PPP1R12A: variants seen among roughly 807,000 people sequenced by gnomAD.
PPP1R12A encodes the protein protein phosphatase 1 regulatory subunit 12A.
A neutral mutation model predicts 139.6 loss-of-function variants in PPP1R12A; 19 were observed. The observed-to-expected ratio is 0.14, with a 90% CI of 0.09 to 0.20. PPP1R12A has a LOEUF of 0.20. PPP1R12A is among the 10% of genes least tolerant of loss of function. The probability of loss-of-function intolerance (pLI) is 1.00; values close to 1 mark genes in which losing one functional copy is unlikely to be tolerated. For synonymous variants in PPP1R12A, 427 were observed against 420.6 expected (o/e 1.02, Z -0.19); for missense variants, 925 against 1,211.5 (o/e 0.76, Z 3.51).
intron 24 of PPP1R12A, among the ~76,000 whole-genome samples, chr12:79,776,834 T>C (rs868324082): frequency 2.9e-4 from 44 of 152,154 alleles, no homozygotes; most frequent in Middle Eastern, 3.2e-3. Context: ...AAATAGCTCA[T>C]ATTTTTGGTC....
chr12:79,862,833 A>C (rs1372793100), intron 2 of PPP1R12A, among the ~76,000 whole-genome samples: 1 of 152,152 alleles, frequency 6.6e-6, no homozygotes, highest in Non-Finnish European at 1.5e-5. Context: ...AAACGAAATC[A>C]ATGTTTGATT....
chr12:79,900,819 A>G (rs1419052692), intron 1 of PPP1R12A, among the ~76,000 whole-genome samples: 1 of 152,186 alleles, frequency 6.6e-6, no homozygotes. Flanking sequence ...TCCATCTATT[A>G]AAAATCTCAG....
At chr12:79,836,385 A>T (rs575636937) in intron 3 of PPP1R12A, among the ~76,000 whole-genome samples, 2 of 152,208 alleles carry the variant, frequency 1.3e-5, no homozygotes, top group South Asian at 4.1e-4. Flanking sequence ...CTTTCATTAC[A>T]ATCTTAAACG....
At chr12:79,911,307 T>C (rs1886541764) in intron 1 of PPP1R12A, among the ~76,000 whole-genome samples, 1 of 152,026 alleles carries the variant, frequency 6.6e-6, no homozygotes, top group Non-Finnish European at 1.5e-5. Context: ...TCAGCCTCTC[T>C]CCTCTTCAGT....
chr12:79,823,787 A>G, intron 5 of PPP1R12A: 2 of 154,626 alleles, frequency 1.3e-5, no homozygotes, highest in Non-Finnish European at 2.9e-5. Context: ...GTAGAGATGG[A>G]GTTTCACCAT....
chr12:79,905,665 T>G (rs909545642), intron 1 of PPP1R12A, among the ~76,000 whole-genome samples: 1 of 152,222 alleles, frequency 6.6e-6, no homozygotes, highest in African/African-American at 2.4e-5. Flanking sequence ...TATTTTTATT[T>G]GTACATTTGA....
chr12:79,902,332 G>T (rs570614497), intron 1 of PPP1R12A, among the ~76,000 whole-genome samples: 1 of 151,970 alleles, frequency 6.6e-6, no homozygotes, highest in Admixed American at 6.5e-5. Context: ...CCTTTCATTA[G>T]TACTGCGTTT....
chr12:79,814,131 A>G (rs1434140810), intron 9 of PPP1R12A, among the ~76,000 whole-genome samples: 2 of 152,208 alleles, frequency 1.3e-5, no homozygotes, highest in Non-Finnish European at 1.5e-5. Context: ...ATACAGGAGT[A>G]TAAGAATCAC....
intron 9 of PPP1R12A, among the ~76,000 whole-genome samples, chr12:79,813,585 T>C (rs1393080877): frequency 2.6e-5 from 4 of 152,168 alleles, no homozygotes; most frequent in East Asian, 3.8e-4. Context: ...TACACCCATA[T>C]AGAAGAATAG....
chr12:79,897,175 T>A (rs370122187), intron 1 of PPP1R12A, among the ~76,000 whole-genome samples: 20 of 152,256 alleles, frequency 1.3e-4, no homozygotes, highest in African/African-American at 4.8e-4. Context: ...AACGTGGTAT[T>A]AAACATACAC....
At chr12:79,920,122 T>C (rs1194777441) in intron 1 of PPP1R12A, among the ~76,000 whole-genome samples, 1 of 152,238 alleles carries the variant, frequency 6.6e-6, no homozygotes, top group Non-Finnish European at 1.5e-5. Flanking sequence ...AATGGAATCA[T>C]ACACCATGTG....
chr12:79,837,154 A>G (rs1004863287), intron 3 of PPP1R12A, among the ~76,000 whole-genome samples: 3 of 152,190 alleles, frequency 2.0e-5, no homozygotes, highest in Non-Finnish European at 4.4e-5. Flanking sequence ...CCCACCTACT[A>G]TAATTGCAAG....
chr12:79,850,881 T>C (rs566332697), intron 2 of PPP1R12A, among the ~76,000 whole-genome samples: 6 of 152,274 alleles, frequency 3.9e-5, no homozygotes, highest in Admixed American at 6.5e-5. Flanking sequence ...CACTTCCCCT[T>C]TGCCTTCTGC....
chr12:79,863,531 T>C (rs1474718834), intron 2 of PPP1R12A, among the ~76,000 whole-genome samples: 1 of 149,340 alleles, frequency 6.7e-6, no homozygotes, highest in Non-Finnish European at 1.5e-5. Flanking sequence ...GCAAATTGGA[T>C]AAAGACTCAA....
chr12:79,817,362 A>T, intron 9 of PPP1R12A, 32 bp downstream of exon 9: 3 of 1,592,914 alleles, frequency 1.9e-6, no homozygotes, highest in Non-Finnish European at 2.6e-6. Context: ...AATAGAATAC[A>T]TGTATTTTCA....
chr12:79,873,008 T>C, intron 1 of PPP1R12A, 70 bp from the exon 2 acceptor site: 1 of 1,432,342 alleles, frequency 7.0e-7, no homozygotes, highest in Non-Finnish European at 9.4e-7. Flanking sequence ...ATCAATAGAA[T>C]AAAATTCCTA....
chr12:79,862,300 C>T (rs957414565), intron 2 of PPP1R12A, among the ~76,000 whole-genome samples: 1 of 152,142 alleles, frequency 6.6e-6, no homozygotes, highest in Non-Finnish European at 1.5e-5. Context: ...CACACCAAAA[C>T]CCCATCTGTA....
chr12:79,889,327 T>C (rs769809479), intron 1 of PPP1R12A, among the ~76,000 whole-genome samples: 27 of 152,088 alleles, frequency 1.8e-4, no homozygotes, highest in African/African-American at 2.9e-4. Flanking sequence ...ATGGCCTACA[T>C]AGTAACATGC....
intron 24 of PPP1R12A, among the ~76,000 whole-genome samples, chr12:79,776,390 G>A (rs188596982): frequency 6.6e-6 from 1 of 152,034 alleles, no homozygotes; most frequent in Non-Finnish European, 1.5e-5. Context: ...TTGCTTTTAT[G>A]TATGTCAGAC....
Sources: allele counts gnomAD v4.1 joint callset (sites outside exome capture counted in the v4.1 genomes callset), GRCh38; gene constraint gnomAD v4.1.1; transcripts MANE v1.5; gene names NCBI Gene and HGNC (gene_info 2026-07-23, HGNC 2026-07-21).